Variants in CAPN11 observed in about 807,000 individuals in gnomAD.
CAPN11 encodes the protein calpain 11, also known as calpain-11.
A neutral mutation model predicts 105.3 loss-of-function variants in CAPN11; 108 were observed. The observed-to-expected ratio is 1.03, with a 90% CI of 0.88 to 1.20. The LOEUF is 1.20. Ranked by LOEUF, CAPN11 falls within the 50% of genes most tolerant of loss-of-function variation. The probability of loss-of-function intolerance (pLI) is 0.00; values close to 1 mark genes in which losing one functional copy is unlikely to be tolerated. For synonymous variants in CAPN11, 329 were observed against 344.5 expected, an observed-to-expected ratio of 0.96 and a Z score of 0.50; for missense variants, 883 against 924.8, an observed-to-expected ratio of 0.95 and a Z score of 0.59.
chr6:44,177,170 C>A, intron 11 of CAPN11, 72 bp from the exon 12 acceptor site: 1 of 1,507,922 alleles, frequency 6.6e-7, no homozygotes, highest in Non-Finnish European at 8.9e-7. Context: ...GCTGGGGAAG[C>A]TCGGTCCACC....
At chr6:44,175,860 G>C (rs1479602630) in intron 7 of CAPN11, among the ~76,000 whole-genome samples, 1 of 152,134 alleles carries the variant, frequency 6.6e-6, no homozygotes, top group Non-Finnish European at 1.5e-5. Flanking sequence ...ACCACTGGGG[G>C]AACCTGAGTA....
chr6:44,171,019 C>T (rs536902541), intron 4 of CAPN11, among the ~76,000 whole-genome samples: 2 of 152,284 alleles, frequency 1.3e-5, no homozygotes, highest in South Asian at 2.1e-4. Context: ...ACCCCAGGGC[C>T]GCTGCTGTGG....
In CAPN11 at chr6:44,180,064, T is replaced by C. The variant is rs1233590692; in HGVS notation, c.1541T>C (p.Leu514Pro). 3 of 1,613,368 alleles carry C rather than the reference T, an allele frequency of 1.9e-6. No homozygotes were observed. Among genetic ancestry groups the C allele is most frequent in the East Asian group, 2.2e-5 (1 of 44,876 alleles). Reference protein sequence around the residue: ...NSREVSSQLRLPPGEYIIIPS... With the variant: ...NSREVSSQLRPPPGEYIIIPS... The stretch of plus-strand genomic sequence containing the variant: ...CGGGAGGTGAGCAGCCAACTCCGGC[T>C]GCCTCCGGGGGAATATATCATTATT... The change falls in exon 14 of 23, where the codon CTG (leucine) becomes CCG (proline). Residue 514 changes from leucine to proline, a missense_variant. Coordinates refer to ENST00000398776, the MANE Select transcript of CAPN11 (RefSeq NM_007058.4).
chr6:44,176,487 AG>A, intron 9 of CAPN11, 93 bp from the exon 10 acceptor site: 1 of 1,342,658 alleles, frequency 7.4e-7, no homozygotes, highest in South Asian at 1.2e-5. Context: ...GCACCCCAGC[AG>A]GCAGACATTC....
intron 4 of CAPN11, among the ~76,000 whole-genome samples, chr6:44,171,980 C>A (rs1039754525): frequency 3.9e-5 from 6 of 152,114 alleles, no homozygotes; most frequent in African/African-American, 1.4e-4. Flanking sequence ...ACAGGAGAAT[C>A]GCTCGAACCC....
intron 21 of CAPN11, among the ~76,000 whole-genome samples, chr6:44,183,447 G>A (rs1774118491): frequency 6.6e-6 from 1 of 152,184 alleles, no homozygotes; most frequent in African/African-American, 2.4e-5. Context: ...TCTTTAGAAT[G>A]TGGATAATAA....
chr6:44,182,357 CTGT>C (rs1157634858), intron 19 of CAPN11, among the ~76,000 whole-genome samples: 6 of 151,884 alleles, frequency 4.0e-5, no homozygotes, highest in Admixed American at 3.9e-4. Flanking sequence ...TGAAAAGGGT[CTGT>C]TGGAGTGTGG....
intron 1 of CAPN11, among the ~76,000 whole-genome samples, chr6:44,165,511 G>A (rs544816878): frequency 3.9e-5 from 6 of 152,342 alleles, no homozygotes; most frequent in African/African-American, 1.4e-4. Flanking sequence ...CGGGCTGTGT[G>A]GAGGAGGACA....
At chr6:44,168,813 G>A (rs1409624826) in intron 2 of CAPN11, 4 of 329,550 alleles carry the variant, frequency 1.2e-5, no homozygotes, top group African/African-American at 4.3e-5. Context: ...TAGGGACAGG[G>A]TTTCGCCATG....
intron 2 of CAPN11, among the ~76,000 whole-genome samples, chr6:44,167,617 G>T (rs546002313): frequency 2.2e-4 from 33 of 149,526 alleles, no homozygotes; most frequent in South Asian, 6.4e-4. Context: ...CCCATTTAAA[G>T]TGTACCATTT....
intron 2 of CAPN11, among the ~76,000 whole-genome samples, chr6:44,167,927 C>A (rs1005884349): frequency 1.8e-4 from 23 of 128,464 alleles, no homozygotes; most frequent in African/African-American, 3.7e-4. Context: ...AAAAAAAAAA[C>A]AAAACAAAAA....
At chr6:44,167,140 G>A (rs772677011) in intron 2 of CAPN11, among the ~76,000 whole-genome samples, 51 of 151,956 alleles carry the variant, frequency 3.4e-4, no homozygotes, top group Non-Finnish European at 6.5e-4. Flanking sequence ...GACCCGGTCC[G>A]ACACCAGCAG....
intron 12 of CAPN11, among the ~76,000 whole-genome samples, chr6:44,178,541 G>A (rs1772536626): frequency 6.6e-6 from 1 of 151,994 alleles, no homozygotes; most frequent in Non-Finnish European, 1.5e-5. Flanking sequence ...GTTCAATAGT[G>A]AGCAAAACAG....
intron 19 of CAPN11, among the ~76,000 whole-genome samples, chr6:44,181,574 C>CCACACTCACACACA (rs1554132267): frequency 2.0e-4 from 1 of 4,930 alleles, no homozygotes; most frequent in African/African-American, 5.3e-4. Flanking sequence ...CACAACCACA[C>CCACACTCACACACA]CACACATACA....
chr6:44,173,515 C>G, intron 7 of CAPN11, 129 bp downstream of exon 7: 1 of 606,974 alleles, frequency 1.6e-6, no homozygotes, highest in Non-Finnish European at 2.9e-6. Context: ...CCCAGACTAG[C>G]CTTCCCTACC....
In CAPN11 at chr6:44,184,031, C is replaced by T. The variant is rs1477673239; in HGVS notation, c.*99C>T. The stretch of plus-strand genomic sequence containing the variant: ...TTCTTGTAGCCCTCAGCTCTCCGGT[C>T]TCTGCTGATGAAATGGGCTCCAGGT... On this transcript the variant is annotated 3_prime_UTR_variant, in exon 23 of 23. Transcript: ENST00000398776. The T allele has an allele frequency of 7.5e-7, 1 of 1,336,456 alleles. No individual in the cohort carries two copies. The highest frequency in any genetic ancestry group is 1.0e-6 in the Non-Finnish European group (1 of 960,326). 82.8% of individuals were successfully genotyped at this position (1,336,456 alleles called of 1,614,324 possible).
intron 19 of CAPN11, among the ~76,000 whole-genome samples, chr6:44,181,917 CAT>C (rs1203975935): frequency 3.4e-4 from 14 of 40,920 alleles, no homozygotes; most frequent in South Asian, 7.7e-4. Flanking sequence ...CTCACACACA[CAT>C]ACACACTCAC....
rs372801456 is a variant in CAPN11 at position 44,180,070 on chromosome 6, C to T, written c.1547C>T (p.Pro516Leu). The T allele has an allele frequency of 3.7e-6, 6 of 1,613,084 alleles. No homozygotes were observed. Among genetic ancestry groups the T allele is most frequent in the African/African-American group, 2.7e-5 (2 of 74,842 alleles). Residue 516 changes from proline to leucine, a missense_variant, in exon 14 of 23, where the codon CCG (proline) becomes CTG (leucine). Transcript: ENST00000398776. ...GTGAGCAGCCAACTCCGGCTGCCTC[C>T]GGGGGAATATATCATTATTCCCTCC... ...REVSSQLRLP[P>L]GEYIIIPSTF... is the part of the protein sequence containing the mutation.
chr6:44,182,866 G>T, intron 19 of CAPN11, 75 bp from the exon 20 acceptor site: 1 of 1,111,914 alleles, frequency 9.0e-7, no homozygotes, highest in Non-Finnish European at 1.3e-6. Context: ...GAGCCACCGC[G>T]CCCGGCCTCA....
Sources: allele counts gnomAD v4.1 joint callset (sites outside exome capture counted in the v4.1 genomes callset), GRCh38; gene constraint gnomAD v4.1.1; transcripts MANE v1.5; gene names NCBI Gene and HGNC (gene_info 2026-07-23, HGNC 2026-07-21).